CHD2: variants seen among roughly 807,000 people sequenced by gnomAD.
CHD2 encodes the protein ATP-dependent chromatin remodeler CHD2.
In CHD2, 28 loss-of-function variants were observed where a neutral mutation model predicts 243.9. The observed-to-expected ratio is 0.11, with a 90% CI of 0.09 to 0.16. CHD2 has a LOEUF of 0.16. Ranked by LOEUF, CHD2 falls within the 10% of genes least tolerant of loss-of-function variation. CHD2 has a pLI of 1.00. For synonymous variants in CHD2, 775 were observed against 779.0 expected (o/e 0.99, Z 0.09); for missense variants, 1,386 against 2,209.8 (o/e 0.63, Z 7.47).
chr15:92,966,426 G>A (rs2053764631), intron 16 of CHD2, among the ~76,000 whole-genome samples: 2 of 152,142 alleles, frequency 1.3e-5, no homozygotes, highest in Middle Eastern at 3.4e-3. Context: ...CCTATTTTAT[G>A]TTCTTGGAGT....
At chr15:93,014,068 A>C (rs983764717) in intron 36 of CHD2, among the ~76,000 whole-genome samples, 2 of 152,196 alleles carry the variant, frequency 1.3e-5, no homozygotes, top group Admixed American at 1.3e-4. Context: ...AGATTTTCAC[A>C]ATACATGAAG....
chr15:92,903,086 TTA>T (rs1279005275), intron 2 of CHD2, among the ~76,000 whole-genome samples: 1 of 152,218 alleles, frequency 6.6e-6, no homozygotes, highest in Non-Finnish European at 1.5e-5. Flanking sequence ...CCAAAAATAT[TTA>T]AGACTCTTTG....
rs972148593 is a variant in CHD2 at position 92,967,126 on chromosome 15, G to A, written c.2001-199G>A. On this transcript the variant is annotated intron_variant, in intron 16 of 38. Transcript: ENST00000394196. ...TAACTCTGAATTCAGTCTGAGAATT[G>A]GAAACGTGCTATTATCCAGTGTAGA... 5.0e-4 allele frequency among the ~76,000 whole-genome samples: 76 copies of A among 152,098 alleles called. 1 individual carries two copies. Among genetic ancestry groups the A allele is most frequent in the Admixed American group, 1.9e-3 (29 of 15,268 alleles).
At chr15:92,949,693 C>T (rs2053526630) in intron 13 of CHD2, among the ~76,000 whole-genome samples, 1 of 152,166 alleles carries the variant, frequency 6.6e-6, no homozygotes, top group Non-Finnish European at 1.5e-5. Flanking sequence ...TACAAATTTC[C>T]TTCACCAATT....
chr15:93,002,434 C>A, intron 33 of CHD2, 117 bp downstream of exon 33: 1 of 1,462,820 alleles, frequency 6.8e-7, no homozygotes, highest in Non-Finnish European at 9.0e-7. Context: ...TGGGTATGTT[C>A]AAGAAGGATG....
chr15:92,927,114 C>T, intron 3 of CHD2, 130 bp from the exon 4 acceptor site: 1 of 671,028 alleles, frequency 1.5e-6, no homozygotes, highest in African/African-American at 1.8e-5. Flanking sequence ...TTTATTGTCT[C>T]ATAAATAGAA....
At chr15:92,902,273 G>T (rs1426712753) in intron 2 of CHD2, 2 of 397,432 alleles carry the variant, frequency 5.0e-6, no homozygotes, top group Admixed American at 4.4e-5. Flanking sequence ...TAGTGATGAA[G>T]TAATAAAGCC....
At chr15:92,990,393 G>A (rs543046114) in intron 26 of CHD2, among the ~76,000 whole-genome samples, 2 of 152,296 alleles carry the variant, frequency 1.3e-5, no homozygotes, top group South Asian at 2.1e-4. Context: ...ATGGCTGCAC[G>A]CATTTGGTTA....
At chr15:93,001,252 G>C (rs1317607452) in intron 32 of CHD2, among the ~76,000 whole-genome samples, 1 of 152,186 alleles carries the variant, frequency 6.6e-6, no homozygotes, top group Non-Finnish European at 1.5e-5. Flanking sequence ...TGGTTAACCA[G>C]AGAGCTCATG....
At chr15:92,940,808 TATAA>T (rs1164060811) in intron 7 of CHD2, among the ~76,000 whole-genome samples, 1 of 139,122 alleles carries the variant, frequency 7.2e-6, no homozygotes, top group Non-Finnish European at 1.5e-5. Context: ...TATAAATAAA[TATAA>T]ATATATATAA....
intron 38 of CHD2, 55 bp downstream of exon 38, chr15:93,020,313 A>G (rs1358265826): frequency 6.2e-7 from 1 of 1,608,130 alleles, no homozygotes; most frequent in East Asian, 2.2e-5. Flanking sequence ...AGCTGTTTCT[A>G]GGGAGAAAGT....
intron 17 of CHD2, 62 bp downstream of exon 17, chr15:92,967,575 A>T: frequency 1.7e-6 from 2 of 1,202,336 alleles, no homozygotes; most frequent in Non-Finnish European, 2.4e-6. Context: ...ACTATTAGAT[A>T]GGAGATATAT....
At chr15:92,989,872 G>C in intron 26 of CHD2, among the ~76,000 whole-genome samples, 1 of 152,340 alleles carries the variant, frequency 6.6e-6, no homozygotes, top group Non-Finnish European at 1.5e-5. Context: ...TGTCCCAGGA[G>C]CGTGCGGAAG....
At chr15:92,954,614 AAAG>A (rs1425155900) in intron 14 of CHD2, among the ~76,000 whole-genome samples, 1 of 152,256 alleles carries the variant, frequency 6.6e-6, no homozygotes. Context: ...AAAGACGAAA[AAAG>A]AGAAATTTAT....
At chr15:92,920,944 G>A (rs1489451967) in intron 2 of CHD2, among the ~76,000 whole-genome samples, 1 of 152,172 alleles carries the variant, frequency 6.6e-6, no homozygotes, top group Non-Finnish European at 1.5e-5. Flanking sequence ...GACAAGTGGA[G>A]GCAAGGTAGT....
intron 5 of CHD2, among the ~76,000 whole-genome samples, chr15:92,932,546 T>C (rs2053191304): frequency 6.7e-6 from 1 of 148,934 alleles, no homozygotes; most frequent in Non-Finnish European, 1.5e-5. Flanking sequence ...GTGCGGTGTT[T>C]GGTTTTCTGT....
chr15:92,958,647 G>GCTT (rs2053646072), intron 16 of CHD2, among the ~76,000 whole-genome samples: 1 of 152,124 alleles, frequency 6.6e-6, no homozygotes, highest in Non-Finnish European at 1.5e-5. Context: ...TGCTTTATCA[G>GCTT]TACAGTCCCC....
Position 92,953,468 on chromosome 15 carries a change from A to G in CHD2, c.1614A>G (p.Ile538Met). 1.2e-6 allele frequency: 2 copies of G among 1,614,110 alleles called. No homozygotes were observed. Among genetic ancestry groups the G allele is most frequent in the Non-Finnish European group, 1.7e-6 (2 of 1,180,016 alleles). Residue 538 changes from isoleucine (I) to methionine (M), a missense_variant, in exon 14 of 39, where the codon ATA becomes ATG. Physicochemically the swap from Ile to Met is conservative, Grantham distance 10. Transcript: ENST00000394196. ...HQHQLYGPFL[I>M]VVPLSTLTSW... is the part of the protein sequence containing the mutation. Reference sequence around the variant, plus strand: ...ACCAGCTGTATGGCCCCTTTCTTATAGTCGTCCCTTTATCCACCCTCACCT... The same window carrying G: ...ACCAGCTGTATGGCCCCTTTCTTATGGTCGTCCCTTTATCCACCCTCACCT...
rs987802843 is a variant in CHD2 at position 92,997,567 on chromosome 15, G to A, written c.3885+164G>A. On this transcript the variant is annotated intron_variant, in intron 30 of 38. Transcript: ENST00000394196. The surrounding 1 kb of genome is among the most constrained non-coding windows in gnomAD (Gnocchi z 4.1). ...TTAGCAGATTGTGGCACTGTTTCAC[G>A]GATGAAGATAAAGGGAAAAGACAGT... 2.0e-5 allele frequency: 12 copies of A among 593,830 alleles called. No homozygotes were observed. Among genetic ancestry groups the A allele is most frequent in the African/African-American group, 9.7e-5 (5 of 51,526 alleles). 36.8% of individuals were successfully genotyped at this position (593,830 alleles called of 1,614,324 possible).
Sources: gnomAD v4.1 joint callset for allele counts (sites outside exome capture counted in the v4.1 genomes callset) on GRCh38, gnomAD v4.1.1 for gene constraint, Gnocchi (gnomAD v3.1) non-coding constraint, MANE v1.5 for transcripts, NCBI Gene and HGNC (gene_info 2026-07-23, HGNC 2026-07-21) for gene names.